Variants in TTC7B observed in about 807,000 individuals in gnomAD.
TTC7B encodes tetratricopeptide repeat domain 7B, also known as tetratricopeptide repeat protein 7B.
In TTC7B, 28 loss-of-function variants were observed where a neutral mutation model predicts 106.8. The ratio of observed to expected loss-of-function variants is 0.26; its 90% CI spans 0.19 to 0.36. The LOEUF is 0.36. Ranked by LOEUF, TTC7B falls within the 10% of genes least tolerant of loss-of-function variation. The pLI, the probability that TTC7B is intolerant of heterozygous loss-of-function variation, is 1.00. For missense variants in TTC7B, 862 were observed against 1,076.4 expected (o/e 0.80, Z 2.79); for synonymous variants, 405 against 430.6 (o/e 0.94, Z 0.74).
chr14:90,550,118 C>T (rs1033071074), intron 19 of TTC7B, among the ~76,000 whole-genome samples: 36 of 152,274 alleles, frequency 2.4e-4, no homozygotes, highest in African/African-American at 7.7e-4. Context: ...GCACTGGCCT[C>T]GAGATAAGCA....
chr14:90,669,873 T>C (rs1303287387), intron 9 of TTC7B, among the ~76,000 whole-genome samples: 1 of 152,216 alleles, frequency 6.6e-6, no homozygotes, highest in Non-Finnish European at 1.5e-5. Context: ...AGTCTGGCAG[T>C]TCCTCAAAAA....
At chr14:90,572,908 C>T (rs1891088999) in intron 19 of TTC7B, among the ~76,000 whole-genome samples, 1 of 152,162 alleles carries the variant, frequency 6.6e-6, no homozygotes, top group South Asian at 2.1e-4. Context: ...AGGCACATGG[C>T]CCCCAGCGTA....
intron 5 of TTC7B, among the ~76,000 whole-genome samples, chr14:90,702,892 G>A (rs1248162363): frequency 6.6e-6 from 1 of 152,154 alleles, no homozygotes; most frequent in African/African-American, 2.4e-5. Context: ...GGTGGGGCAC[G>A]GACAGATGAC....
At chr14:90,709,069 C>T (rs987199233) in intron 5 of TTC7B, among the ~76,000 whole-genome samples, 43 of 151,870 alleles carry the variant, frequency 2.8e-4, no homozygotes, top group African/African-American at 9.7e-4. Context: ...GAAATAGGAA[C>T]ACTTTTACAC....
intron 15 of TTC7B, among the ~76,000 whole-genome samples, chr14:90,626,170 A>G (rs1186482872): frequency 6.6e-6 from 1 of 152,220 alleles, no homozygotes; most frequent in Non-Finnish European, 1.5e-5. Flanking sequence ...AAAAGAAAAA[A>G]GACTTCCCAG....
At chr14:90,612,404 A>G (rs1892909441) in intron 16 of TTC7B, among the ~76,000 whole-genome samples, 2 of 152,186 alleles carry the variant, frequency 1.3e-5, no homozygotes, top group South Asian at 4.1e-4. Flanking sequence ...TCCACTTAGG[A>G]GTTTTTCAGA....
At chr14:90,775,978 T>A (rs1457124544) in intron 3 of TTC7B, among the ~76,000 whole-genome samples, 1 of 152,124 alleles carries the variant, frequency 6.6e-6, no homozygotes, top group Non-Finnish European at 1.5e-5. Flanking sequence ...GTTCATTTTG[T>A]CTCTTTTATT....
chr14:90,719,780 A>G (rs893119311), intron 5 of TTC7B, among the ~76,000 whole-genome samples: 1 of 152,192 alleles, frequency 6.6e-6, no homozygotes, highest in East Asian at 1.9e-4. Context: ...GTGAGTTGGA[A>G]TCTTTCACTA....
At chr14:90,604,624 G>A (rs1892566264) in intron 17 of TTC7B, among the ~76,000 whole-genome samples, 1 of 152,140 alleles carries the variant, frequency 6.6e-6, no homozygotes, top group Admixed American at 6.5e-5. Context: ...TGGGCATTTG[G>A]AACAAAGATG....
At chr14:90,719,651 G>A (rs1034714910) in intron 5 of TTC7B, among the ~76,000 whole-genome samples, 1 of 152,214 alleles carries the variant, frequency 6.6e-6, no homozygotes, top group Non-Finnish European at 1.5e-5. Context: ...GGTGGCTGTA[G>A]GGACTGCTGG....
intron 16 of TTC7B, among the ~76,000 whole-genome samples, chr14:90,617,311 T>A (rs561803994): frequency 3.0e-4 from 31 of 104,820 alleles, no homozygotes; most frequent in Non-Finnish European, 4.7e-4. Context: ...TTTTTGTATC[T>A]ACTTGCAAAT....
intron 18 of TTC7B, among the ~76,000 whole-genome samples, chr14:90,582,890 T>A (rs890694961): frequency 2.0e-5 from 3 of 152,212 alleles, no homozygotes; most frequent in African/African-American, 2.4e-5. Flanking sequence ...TCAGGTAGTT[T>A]GAGATGGAGT....
chr14:90,680,543 T>C lies in TTC7B; in HGVS notation c.951-8A>G. 1 of 1,612,842 alleles carries C rather than the reference T, an allele frequency of 6.2e-7. No individual in the cohort carries two copies. Among genetic ancestry groups the C allele is most frequent in the Admixed American group, 1.7e-5 (1 of 59,976 alleles). ...TCTTGAGGACAAAAAATGCTGCAGT[T>C]GAAAGAAAACTGACTTTGATATATG... On this transcript the variant is annotated splice_polypyrimidine_tract_variant and splice_region_variant and intron_variant, in intron 7 of 19. Transcript: ENST00000328459.
chr14:90,806,999 G>T lies in TTC7B; in HGVS notation c.121+9176C>A, dbSNP rs187477072. ...GTGACAGAACCGAGATCTGAACCCA[G>T]GTCTAACAGGGCAAAGCCCACTGCT... On this transcript the variant is annotated intron_variant, in intron 1 of 19. Transcript: ENST00000328459. 4.6e-5 allele frequency among the ~76,000 whole-genome samples: 7 copies of T among 152,260 alleles called. No individual in the cohort carries two copies. In the East Asian group the frequency reaches 1.4e-3, roughly 29 times the overall value.
chr14:90,642,802 A>G (rs1436112307), intron 15 of TTC7B: 1 of 152,198 alleles, frequency 6.6e-6, no homozygotes, highest in Non-Finnish European at 1.5e-5. Context: ...TTGATTGTTT[A>G]AGAACTTCCA....
intron 19 of TTC7B, among the ~76,000 whole-genome samples, chr14:90,546,723 T>C (rs1889850927): frequency 6.6e-6 from 1 of 152,210 alleles, no homozygotes; most frequent in African/African-American, 2.4e-5. Flanking sequence ...CCATATAACC[T>C]GCCACTCCCT....
intron 11 of TTC7B, among the ~76,000 whole-genome samples, chr14:90,656,686 A>G (rs981270102): frequency 6.6e-6 from 1 of 152,172 alleles, no homozygotes; most frequent in Non-Finnish European, 1.5e-5. Context: ...CCAGCTACTC[A>G]GAAGGCTGAG....
chr14:90,541,341 C>A lies in TTC7B; in HGVS notation c.*27G>T. 1 of 1,572,070 alleles carries A rather than the reference C, an allele frequency of 6.4e-7. No homozygotes were observed. Among genetic ancestry groups the A allele is most frequent in the Non-Finnish European group, 8.7e-7 (1 of 1,155,400 alleles). ...CCCGGCAGGGCCTCTGAGGCCTGAGCGGCAGGTGAGGCTGGCAGGCGCCTG... is the reference window on the plus strand; with the variant it reads ...CCCGGCAGGGCCTCTGAGGCCTGAGAGGCAGGTGAGGCTGGCAGGCGCCTG... On this transcript the variant is annotated 3_prime_UTR_variant, in exon 20 of 20. Transcript: ENST00000328459.
At chr14:90,640,427 C>T (rs536886616) in intron 15 of TTC7B, among the ~76,000 whole-genome samples, 10 of 152,102 alleles carry the variant, frequency 6.6e-5, no homozygotes, top group South Asian at 6.2e-4. Flanking sequence ...CAATATTACA[C>T]GAAAAATCCA....
Sources: allele counts gnomAD v4.1 joint callset (sites outside exome capture counted in the v4.1 genomes callset), GRCh38; gene constraint gnomAD v4.1.1; transcripts MANE v1.5; gene names NCBI Gene and HGNC (gene_info 2026-07-23, HGNC 2026-07-21).